The following EDIL3 variants were observed in gnomAD, a reference collection of about 807,000 sequenced individuals.
The protein encoded by EDIL3 is EGF like and discoidin domains 3.
Under a neutral mutation model 67.4 loss-of-function variants are expected in EDIL3, and 37 were observed. That is an observed-to-expected ratio of 0.55 (90% CI 0.42 to 0.72). EDIL3 has a LOEUF of 0.72. Among genes scored for constraint, EDIL3 ranks in the 30% least tolerant of loss-of-function variants. EDIL3 has a pLI of 0.00. For missense variants in EDIL3, 527 were observed against 586.3 expected (o/e 0.90, Z 1.04); for synonymous variants, 195 against 196.3 (o/e 0.99, Z 0.05).
chr5:84,200,383 A>G (rs945421311), intron 3 of EDIL3, among the ~76,000 whole-genome samples: 2 of 151,888 alleles, frequency 1.3e-5, no homozygotes, highest in African/African-American at 4.8e-5. Flanking sequence ...TCAATAAACC[A>G]AACTTGACAT....
intron 10 of EDIL3, among the ~76,000 whole-genome samples, chr5:83,953,388 A>G (rs1744453377): frequency 6.6e-6 from 1 of 151,720 alleles, no homozygotes; most frequent in Admixed American, 6.6e-5. Flanking sequence ...TAATGAGTTG[A>G]GGGCATATTA....
intron 3 of EDIL3, chr5:84,181,317 C>G (rs1259779848): frequency 1.3e-5 from 2 of 152,202 alleles, no homozygotes. Flanking sequence ...AGCTACTGAA[C>G]CACAGGATCT....
chr5:84,102,191 T>C (rs1747379839), intron 6 of EDIL3, among the ~76,000 whole-genome samples: 1 of 151,920 alleles, frequency 6.6e-6, no homozygotes, highest in Admixed American at 6.6e-5. Flanking sequence ...TCACCTATGA[T>C]AAACCCACAG....
chr5:84,054,851 G>A (rs1386838970), intron 9 of EDIL3, among the ~76,000 whole-genome samples: 1 of 147,974 alleles, frequency 6.8e-6, no homozygotes, highest in Non-Finnish European at 1.5e-5. Flanking sequence ...TCATGGATAG[G>A]AAGAATCAAT....
intron 9 of EDIL3, among the ~76,000 whole-genome samples, chr5:84,029,294 T>C (rs1053731195): frequency 2.6e-5 from 4 of 151,542 alleles, no homozygotes; most frequent in African/African-American, 9.7e-5. Context: ...TAAAGAGGAG[T>C]TCCTCTGCAC....
At chr5:84,043,313 T>G (rs1487802626) in intron 9 of EDIL3, among the ~76,000 whole-genome samples, 6 of 152,200 alleles carry the variant, frequency 3.9e-5, no homozygotes, top group Non-Finnish European at 1.5e-5. Flanking sequence ...TGGGTTAACT[T>G]TAGCTTATGT....
At chr5:84,209,060 C>T (rs867394243) in intron 3 of EDIL3, among the ~76,000 whole-genome samples, 21 of 152,160 alleles carry the variant, frequency 1.4e-4, no homozygotes, top group Admixed American at 6.5e-4. Flanking sequence ...AAATGATGAG[C>T]TCATGTCCTT....
At chr5:84,054,487 G>C (rs1421733081) in intron 9 of EDIL3, among the ~76,000 whole-genome samples, 1 of 152,008 alleles carries the variant, frequency 6.6e-6, no homozygotes, top group Non-Finnish European at 1.5e-5. Flanking sequence ...AGAAATAAAG[G>C]GTATTCAATT....
At chr5:84,053,608 A>G (rs1746383279) in intron 9 of EDIL3, among the ~76,000 whole-genome samples, 1 of 152,164 alleles carries the variant, frequency 6.6e-6, no homozygotes, top group South Asian at 2.1e-4. Flanking sequence ...TAGATCCAAT[A>G]AAAATGATAA....
chr5:84,349,443 T>G (rs572456176), intron 1 of EDIL3, among the ~76,000 whole-genome samples: 1 of 152,338 alleles, frequency 6.6e-6, no homozygotes, highest in Non-Finnish European at 1.5e-5. Flanking sequence ...AACCATCTGC[T>G]GACTCAAGTA....
chr5:84,164,851 G>A (rs1748676913), intron 4 of EDIL3, among the ~76,000 whole-genome samples: 1 of 152,086 alleles, frequency 6.6e-6, no homozygotes, highest in African/African-American at 2.4e-5. Flanking sequence ...GTCTTACAAG[G>A]TTGAAAGCAG....
intron 4 of EDIL3, among the ~76,000 whole-genome samples, chr5:84,165,660 C>T (rs1233519432): frequency 1.3e-5 from 2 of 152,088 alleles, no homozygotes; most frequent in Non-Finnish European, 2.9e-5. Context: ...ATGACAAAAC[C>T]TCCAGCAGCA....
At chr5:84,233,345 T>C (rs1248215315) in intron 2 of EDIL3, among the ~76,000 whole-genome samples, 1 of 152,198 alleles carries the variant, frequency 6.6e-6, no homozygotes, top group Non-Finnish European at 1.5e-5. Context: ...CTGTAGATAA[T>C]CGCCACGAAC....
At chr5:84,216,186 C>A (rs1026538148) in intron 3 of EDIL3, among the ~76,000 whole-genome samples, 1 of 152,110 alleles carries the variant, frequency 6.6e-6, no homozygotes, top group Non-Finnish European at 1.5e-5. Context: ...TGACAGGAAG[C>A]CTGTAAGAGG....
chr5:84,194,151 T>C (rs939724866), intron 3 of EDIL3, among the ~76,000 whole-genome samples: 5 of 151,994 alleles, frequency 3.3e-5, no homozygotes, highest in Non-Finnish European at 5.9e-5. Flanking sequence ...TTGGCCAAAA[T>C]GAAGGAAAGA....
chr5:83,969,368 G>A (rs1744751931), intron 9 of EDIL3, among the ~76,000 whole-genome samples: 1 of 151,328 alleles, frequency 6.6e-6, no homozygotes, highest in African/African-American at 2.4e-5. Context: ...AAGGCTACTT[G>A]GTCAAAGGAA....
chr5:84,128,828 A>C (rs528354247), intron 5 of EDIL3, among the ~76,000 whole-genome samples: 1 of 152,288 alleles, frequency 6.6e-6, no homozygotes, highest in African/African-American at 2.4e-5. Context: ...CTGGAGAATA[A>C]ATGCAAAACT....
rs1747556486 is a variant in EDIL3 at position 84,111,101 on chromosome 5, T to A, written c.470-4271A>T. Among the ~76,000 whole-genome samples, 3 of 152,108 alleles carry A rather than the reference T, an allele frequency of 2.0e-5. No homozygotes were observed. In the South Asian group the frequency reaches 6.2e-4, roughly 32 times the overall value. On this transcript the variant is annotated intron_variant, in intron 5 of 10. Transcript: ENST00000296591. ...GTGTGTGGCACGTCTCTCTTCACAC[T>A]CACTCCTGCTGCCATAGGAAGACAT... is the stretch of plus-strand genomic sequence containing the variant.
intron 9 of EDIL3, among the ~76,000 whole-genome samples, chr5:84,050,313 T>C (rs1354394661): frequency 6.6e-6 from 1 of 151,472 alleles, no homozygotes; most frequent in Non-Finnish European, 1.5e-5. Flanking sequence ...AACAATAGAA[T>C]GTTAAAATGA....
Sources: allele counts gnomAD v4.1 joint callset (sites outside exome capture counted in the v4.1 genomes callset), GRCh38; gene constraint gnomAD v4.1.1; transcripts MANE v1.5; gene names NCBI Gene and HGNC (gene_info 2026-07-23, HGNC 2026-07-21).